TAFA5: variants seen among roughly 807,000 people sequenced by gnomAD.
TAFA5 encodes the protein chemokine-like protein TAFA-5.
Under a neutral mutation model 15.3 loss-of-function variants are expected in TAFA5, and 6 were observed. The observed-to-expected ratio is 0.39, with a 90% CI of 0.21 to 0.77. The LOEUF (loss-of-function observed/expected upper bound fraction) is 0.77, where lower values mean the gene tolerates loss of function less well. Ranked by LOEUF, TAFA5 falls within the 30% of genes least tolerant of loss-of-function variation. TAFA5 has a pLI of 0.41. For synonymous variants in TAFA5, 103 were observed against 80.7 expected (o/e 1.28, Z -1.48); for missense variants, 161 against 193.1 (o/e 0.83, Z 0.98).
At chr22:48,658,932 G>T (rs4925425) in intron 2 of TAFA5, among the ~76,000 whole-genome samples, 85,172 of 151,974 alleles carry the variant, frequency 0.56, 24,215 homozygotes, top group East Asian at 0.78. Context: ...CATGGCCTCA[G>T]ACTGCAGCGT....
intron 1 of TAFA5, chr22:48,544,561 T>A: frequency 2.5e-6 from 1 of 401,538 alleles, no homozygotes; most frequent in Non-Finnish European, 5.2e-6. Flanking sequence ...CGGCGCTAAC[T>A]GCATCAGCAC....
intron 3 of TAFA5, among the ~76,000 whole-genome samples, chr22:48,726,005 C>G (rs1047241627): frequency 3.9e-5 from 6 of 152,094 alleles, no homozygotes; most frequent in African/African-American, 1.4e-4. Flanking sequence ...CAAAGGAAAC[C>G]CTTGTGATAA....
At chr22:48,635,459 G>A (rs572376712) in intron 1 of TAFA5, among the ~76,000 whole-genome samples, 2 of 152,220 alleles carry the variant, frequency 1.3e-5, no homozygotes, top group Admixed American at 6.5e-5. Flanking sequence ...TACCCAGGGG[G>A]CCCAGAACCT....
intron 2 of TAFA5, among the ~76,000 whole-genome samples, chr22:48,662,170 G>A (rs1439218206): frequency 6.6e-6 from 1 of 152,186 alleles, no homozygotes; most frequent in Non-Finnish European, 1.5e-5. Context: ...TGGTGAGGAT[G>A]TGCCTGGTGC....
At chr22:48,676,019 G>T (rs1171977579) in intron 2 of TAFA5, among the ~76,000 whole-genome samples, 1 of 152,278 alleles carries the variant, frequency 6.6e-6, no homozygotes, top group African/African-American at 2.4e-5. Flanking sequence ...GCAGCTGGCG[G>T]TGGGGCAGGC....
At chr22:48,580,669 AAGG>A (rs1165941977) in intron 1 of TAFA5, among the ~76,000 whole-genome samples, 1 of 152,090 alleles carries the variant, frequency 6.6e-6, no homozygotes, top group East Asian at 1.9e-4. Flanking sequence ...GTGTGTGTGG[AAGG>A]AGGAGGGAGT....
At chr22:48,576,035 C>CTCTG (rs1923771197) in intron 1 of TAFA5, among the ~76,000 whole-genome samples, 1 of 110,234 alleles carries the variant, frequency 9.1e-6, no homozygotes, top group Non-Finnish European at 1.8e-5. Flanking sequence ...CGGGGCCGCG[C>CTCTG]CGGACCCCCC....
chr22:48,595,522 G>A (rs1474215702), intron 1 of TAFA5, among the ~76,000 whole-genome samples: 1 of 152,242 alleles, frequency 6.6e-6, no homozygotes, highest in East Asian at 1.9e-4. Flanking sequence ...CCCAGGTCTC[G>A]TCTCTGGATT....
chr22:48,673,435 T>A (rs1397019723), intron 2 of TAFA5, among the ~76,000 whole-genome samples: 1 of 152,214 alleles, frequency 6.6e-6, no homozygotes, highest in Non-Finnish European at 1.5e-5. Context: ...AACAGAGGAT[T>A]AGGCCTGTAA....
intron 1 of TAFA5, among the ~76,000 whole-genome samples, chr22:48,616,396 T>A (rs986003895): frequency 1.1e-4 from 16 of 152,172 alleles, no homozygotes; most frequent in African/African-American, 3.9e-4. Context: ...TGCTGCTGGA[T>A]GAAGTGCACA....
intron 3 of TAFA5, among the ~76,000 whole-genome samples, chr22:48,729,920 G>A (rs982188708): frequency 6.6e-6 from 1 of 152,028 alleles, no homozygotes; most frequent in Non-Finnish European, 1.5e-5. Context: ...AATTCCTTCA[G>A]CAAGCAGCCT....
At chr22:48,574,296 G>C (rs5768742) in intron 1 of TAFA5, among the ~76,000 whole-genome samples, 53,415 of 151,946 alleles carry the variant, frequency 0.35, 9,816 homozygotes, top group Middle Eastern at 0.48. Context: ...TCGGGGGCAG[G>C]TGGAGGGTGA....
chr22:48,639,127 C>T (rs1343676462), intron 1 of TAFA5, among the ~76,000 whole-genome samples: 1 of 152,218 alleles, frequency 6.6e-6, no homozygotes, highest in African/African-American at 2.4e-5. Flanking sequence ...ACCCCATTGC[C>T]CCACCCGTCA....
intron 1 of TAFA5, among the ~76,000 whole-genome samples, chr22:48,641,840 G>T (rs1317931967): frequency 2.0e-5 from 3 of 152,134 alleles, no homozygotes; most frequent in African/African-American, 7.2e-5. Flanking sequence ...CACTGGAGAA[G>T]GAATTGTGAT....
At chr22:48,599,961 T>G (rs1569041922) in intron 1 of TAFA5, among the ~76,000 whole-genome samples, 1 of 152,146 alleles carries the variant, frequency 6.6e-6, no homozygotes, top group Non-Finnish European at 1.5e-5. Context: ...CTGCCTCGAT[T>G]CCCTCTTGGC....
intron 2 of TAFA5, among the ~76,000 whole-genome samples, chr22:48,663,205 A>T (rs941168759): frequency 2.0e-5 from 3 of 152,254 alleles, no homozygotes; most frequent in East Asian, 3.9e-4. Flanking sequence ...TTCATTTACC[A>T]TTGGGAAGGG....
chr22:48,680,762 T>C (rs1192032216), intron 2 of TAFA5, among the ~76,000 whole-genome samples: 6 of 152,228 alleles, frequency 3.9e-5, no homozygotes. Flanking sequence ...GTCCTGGCTC[T>C]TCCCACTGCA....
intron 2 of TAFA5, among the ~76,000 whole-genome samples, chr22:48,653,366 C>T (rs1257185565): frequency 6.6e-6 from 1 of 152,210 alleles, no homozygotes. Flanking sequence ...ATGTGAATTG[C>T]TTCAGTCCAG....
intron 1 of TAFA5, among the ~76,000 whole-genome samples, chr22:48,633,489 GCT>G (rs1926307443): frequency 6.9e-6 from 1 of 145,756 alleles, no homozygotes; most frequent in Non-Finnish European, 1.5e-5. Flanking sequence ...TCCCTGCTTT[GCT>G]CTGTGTCTGT....
Sources: gnomAD v4.1 joint callset for allele counts (sites outside exome capture counted in the v4.1 genomes callset) on GRCh38, gnomAD v4.1.1 for gene constraint, MANE v1.5 for transcripts, NCBI Gene and HGNC (gene_info 2026-07-23, HGNC 2026-07-21) for gene names.